Variants in TRA2B observed in about 807,000 individuals in gnomAD.
TRA2B encodes transformer-2 protein homolog beta.
A neutral mutation model predicts 41.7 loss-of-function variants in TRA2B; 14 were observed. The ratio of observed to expected loss-of-function variants is 0.34; its 90% CI spans 0.22 to 0.53. The LOEUF is 0.53. Among genes scored for constraint, TRA2B ranks in the 20% least tolerant of loss-of-function variants. TRA2B has a pLI of 0.95. For missense variants in TRA2B, 167 were observed against 396.8 expected, an observed-to-expected ratio of 0.42 and a Z score of 4.92; for synonymous variants, 130 against 128.8, an observed-to-expected ratio of 1.01 and a Z score of -0.06.
intron 1 of TRA2B, chr3:185,936,798 C>A (rs1434675940): frequency 2.0e-6 from 2 of 985,188 alleles, no homozygotes; most frequent in African/African-American, 1.7e-5. Flanking sequence ...ATGTTCGCAT[C>A]ATTCAATGCT....
At position 185,921,636 on chromosome 3, in the gene TRA2B, C is replaced by T. The variant is rs1044541617; in HGVS notation, c.638+375G>A. Among the ~76,000 whole-genome samples, 6 of 152,168 alleles carry T rather than the reference C, an allele frequency of 3.9e-5. No homozygotes were observed. The South Asian group carries it at 1.0e-3, about 26-fold the overall frequency. On this transcript the variant is annotated intron_variant, in intron 5 of 8. Transcript: ENST00000453386. ...AAAATTAGCCGGACGTTGCGACACGCGCCTGTAGTCCCAGCTACTCGGGAG... is the reference window on the plus strand; with the variant it reads ...AAAATTAGCCGGACGTTGCGACACGTGCCTGTAGTCCCAGCTACTCGGGAG...
At chr3:185,925,415 A>G (rs1743909287) in intron 3 of TRA2B, 49 bp downstream of exon 3, 2 of 1,591,836 alleles carry the variant, frequency 1.3e-6, no homozygotes, top group South Asian at 2.3e-5. Context: ...ACTTTAAGAA[A>G]AAGTAAATTT....
intron 1 of TRA2B, among the ~76,000 whole-genome samples, chr3:185,933,424 G>A (rs892544904): frequency 6.6e-6 from 1 of 152,122 alleles, no homozygotes; most frequent in African/African-American, 2.4e-5. Context: ...TGTACATTTA[G>A]TTAAGAGACC....
At chr3:185,926,954 A>G (rs907854148) in intron 1 of TRA2B, 20 of 504,222 alleles carry the variant, frequency 4.0e-5, no homozygotes, top group South Asian at 2.9e-4. Context: ...TGGAGCAGGG[A>G]TAAGAGTTAT....
chr3:185,920,442 G>A (rs1035585283), intron 6 of TRA2B, among the ~76,000 whole-genome samples: 5 of 152,158 alleles, frequency 3.3e-5, no homozygotes, highest in Admixed American at 6.5e-5. Context: ...CAACCTCCCC[G>A]GCTTCCTGCC....
At chr3:185,929,601 A>G (rs958853658) in intron 1 of TRA2B, among the ~76,000 whole-genome samples, 2 of 152,174 alleles carry the variant, frequency 1.3e-5, no homozygotes, top group Non-Finnish European at 2.9e-5. Context: ...GGAATACATC[A>G]AGTAAAAATA....
At chr3:185,926,212 C>T (rs1743945820) in intron 2 of TRA2B, among the ~76,000 whole-genome samples, 1 of 151,152 alleles carries the variant, frequency 6.6e-6, no homozygotes. Context: ...AAAAGCGCAC[C>T]ATATATATAC....
At chr3:185,920,051 G>A (rs1346490116) in intron 6 of TRA2B, among the ~76,000 whole-genome samples, 1 of 152,002 alleles carries the variant, frequency 6.6e-6, no homozygotes, top group Non-Finnish European at 1.5e-5. Context: ...TTTTATCTTT[G>A]GAAGTATTCT....
intron 1 of TRA2B, among the ~76,000 whole-genome samples, chr3:185,931,178 A>G (rs1744141747): frequency 6.6e-6 from 1 of 152,168 alleles, no homozygotes; most frequent in East Asian, 1.9e-4. Flanking sequence ...GTTTAACAGA[A>G]AATATTCTAC....
intron 3 of TRA2B, chr3:185,924,674 T>G (rs976898826): frequency 2.2e-4 from 33 of 152,422 alleles, no homozygotes; most frequent in African/African-American, 7.5e-4. Flanking sequence ...AATTACTGGG[T>G]GTGGTGGCAT....
At chr3:185,937,116 T>C (rs1744392633) in intron 1 of TRA2B, 1 of 985,472 alleles carries the variant, frequency 1.0e-6, no homozygotes, top group Non-Finnish European at 1.2e-6. Context: ...GATACAGATT[T>C]TTGCCTGGGA....
intron 7 of TRA2B, among the ~76,000 whole-genome samples, chr3:185,918,712 A>G (rs1460013641): frequency 6.6e-6 from 1 of 152,216 alleles, no homozygotes; most frequent in African/African-American, 2.4e-5. Context: ...AGAGTTTTGT[A>G]AAAGAAAATT....
chr3:185,937,214 T>TA (rs1744396875), intron 1 of TRA2B: 1 of 985,606 alleles, frequency 1.0e-6, no homozygotes, highest in African/African-American at 1.7e-5. Flanking sequence ...GCCCAGAACT[T>TA]AGTCGGCCTT....
At chr3:185,931,556 C>G (rs1744155277) in intron 1 of TRA2B, 1 of 1,193,892 alleles carries the variant, frequency 8.4e-7, no homozygotes, top group Non-Finnish European at 1.0e-6. Context: ...TACAGGGACA[C>G]ATAAACAGAC....
intron 1 of TRA2B, 107 bp from the exon 2 acceptor site, chr3:185,926,841 T>C (rs891004282): frequency 1.5e-6 from 2 of 1,364,286 alleles, no homozygotes; most frequent in Non-Finnish European, 1.0e-6. Context: ...CCTTCCAAGA[T>C]AAGAAAATAT....
Position 185,916,617 on chromosome 3 carries a change from T to C in TRA2B, c.*1098A>G, listed in dbSNP as rs1279086269. ...AGGAATACAGAAATTCATCCCCCCC[T>C]CAACCCAGCCCAAAATAGCAAAGAT... On this transcript the variant is annotated 3_prime_UTR_variant, in exon 9 of 9. Coordinates refer to ENST00000453386, the MANE Select transcript of TRA2B (RefSeq NM_004593.3). The C allele has an allele frequency of 6.6e-6, 1 of 152,452 alleles. No individual in the cohort carries two copies. Among genetic ancestry groups the C allele is most frequent in the African/African-American group, 2.4e-5 (1 of 41,414 alleles). The allele number at this position is 152,452 out of a possible 1,614,324, so 9.4% of individuals were successfully genotyped here.
At chr3:185,929,745 A>G (rs778602312) in intron 1 of TRA2B, among the ~76,000 whole-genome samples, 1 of 152,206 alleles carries the variant, frequency 6.6e-6, no homozygotes, top group African/African-American at 2.4e-5. Context: ...GTGGTTTGTT[A>G]GATTTAAAAT....
At chr3:185,936,031 C>T in intron 1 of TRA2B, 1 of 985,416 alleles carries the variant, frequency 1.0e-6, no homozygotes, top group Non-Finnish European at 1.2e-6. Context: ...AGCCGAGTCT[C>T]AAACTGGAAC....
intron 1 of TRA2B, chr3:185,928,436 G>A (rs1488036590): frequency 6.6e-5 from 10 of 152,158 alleles, no homozygotes; most frequent in South Asian, 2.1e-4. Flanking sequence ...ATGAACAGCT[G>A]CCTTTAACAT....
Sources: allele counts gnomAD v4.1 joint callset (sites outside exome capture counted in the v4.1 genomes callset), GRCh38; gene constraint gnomAD v4.1.1; transcripts MANE v1.5; gene names NCBI Gene and HGNC (gene_info 2026-07-23, HGNC 2026-07-21).